The following RAD1 variants were observed in gnomAD, a reference collection of about 807,000 sequenced individuals.
RAD1 encodes RAD1 checkpoint DNA exonuclease, also known as cell cycle checkpoint protein RAD1.
Under a neutral mutation model 30.0 loss-of-function variants are expected in RAD1, and 21 were observed. The observed-to-expected ratio is 0.70, with a 90% CI of 0.50 to 1.01. The LOEUF (loss-of-function observed/expected upper bound fraction) is 1.01. RAD1 is among the 50% of genes least tolerant of loss of function. RAD1 has a pLI of 0.00. For missense variants in RAD1, 329 were observed against 329.0 expected (o/e 1.00, Z 0.00); for synonymous variants, 109 against 113.6 (o/e 0.96, Z 0.26).
At chr5:34,909,396 A>G (rs1321499215) in intron 4 of RAD1, 40 bp from the exon 5 acceptor site, 1 of 1,382,868 alleles carries the variant, frequency 7.2e-7, no homozygotes, top group Non-Finnish European at 1.0e-6. Flanking sequence ...TTCATCCAAA[A>G]ATAAACCACA....
Position 34,915,042 on chromosome 5 carries a change from G to C in RAD1, c.-69-81C>G, listed in dbSNP as rs529159551. The C allele has an allele frequency of 2.1e-4, 158 of 749,582 alleles. No individual in the cohort carries two copies. In the African/African-American group the frequency reaches 2.6e-3, roughly 12 times the overall value. The allele number at this position is 749,582 out of a possible 1,614,324, so 46.4% of individuals were successfully genotyped here. On this transcript the variant is annotated intron_variant, in intron 1 of 5. Coordinates refer to ENST00000382038, the MANE Select transcript of RAD1 (RefSeq NM_002853.4). ...CACCTGCGCTGAGAGGTGGAAAGGG[G>C]CTGGGAGGCTGAACACGGCTGACCA...
At chr5:34,915,014 C>T in intron 1 of RAD1, 53 bp from the exon 2 acceptor site, 4 of 1,068,054 alleles carry the variant, frequency 3.7e-6, no homozygotes, top group Non-Finnish European at 5.4e-6. Context: ...GTCCGGCGAG[C>T]TCCACCTGCG....
At position 34,911,591 on chromosome 5, in the gene RAD1, G is replaced by A; in HGVS notation, c.529C>T (p.Leu177=). 6.2e-7 allele frequency: 1 copy of A among 1,614,146 alleles called. No individual in the cohort carries two copies. ...FSELDMTSEV[L]QITMSPDKPY... Reference sequence around the variant, plus strand: ...TTGTCAGGAGACATGGTAATTTGTAGGACTTCACTCGTCATATCCAATTCA... The same window carrying A: ...TTGTCAGGAGACATGGTAATTTGTAAGACTTCACTCGTCATATCCAATTCA... The change falls in exon 4 of 6, where the codon CTA becomes TTA. Residue 177 remains leucine, a synonymous_variant. Transcript: ENST00000382038.
At chr5:34,909,940 T>G (rs1763778330) in intron 4 of RAD1, among the ~76,000 whole-genome samples, 1 of 152,162 alleles carries the variant, frequency 6.6e-6, no homozygotes, top group Non-Finnish European at 1.5e-5. Flanking sequence ...TCCAGGTTGG[T>G]TTTCCCTAAG....
At chr5:34,910,198 C>T (rs1763787778) in intron 4 of RAD1, among the ~76,000 whole-genome samples, 2 of 152,144 alleles carry the variant, frequency 1.3e-5, no homozygotes, top group South Asian at 4.1e-4. Context: ...CTCCCTACCA[C>T]CAAATTGTTT....
chr5:34,908,897 A>G lies in RAD1; in HGVS notation c.717T>C (p.Cys239=), dbSNP rs773193524. 5.6e-6 allele frequency: 9 copies of G among 1,612,054 alleles called. No individual in the cohort carries two copies. In the South Asian group the frequency reaches 9.9e-5, roughly 18 times the overall value. The change falls in exon 6 of 6, where the codon TGT becomes TGC. Residue 239 remains cysteine (C), a synonymous_variant. Coordinates refer to ENST00000382038, the MANE Select transcript of RAD1 (RefSeq NM_002853.4). ...KPSTKALVLS[C]KVSIRTDNRG... Reference sequence around the variant, plus strand: ...TGTTATCTGTCCGAATAGATACCTTACAAGATAGGACTAATGCCTTTGTAG... The same window carrying G: ...TGTTATCTGTCCGAATAGATACCTTGCAAGATAGGACTAATGCCTTTGTAG...
At position 34,906,332 on chromosome 5, in the gene RAD1, G is replaced by A. The variant is rs1763653475; in HGVS notation, c.*2433C>T. ...TTATATTTGTTTTAAATTCTTTTTA[G>A]ATTCAACTTTTAAAAAATACATTAG... On this transcript the variant is annotated 3_prime_UTR_variant, in exon 6 of 6. Coordinates refer to ENST00000382038, the MANE Select transcript of RAD1 (RefSeq NM_002853.4). 1 of 151,990 alleles carries A rather than the reference G, an allele frequency of 6.6e-6. No homozygotes were observed. 9.4% of individuals were successfully genotyped at this position (151,990 alleles called of 1,614,324 possible).
chr5:34,909,382 T>C (rs1165111162), intron 4 of RAD1, 26 bp from the exon 5 acceptor site: 2 of 1,465,260 alleles, frequency 1.4e-6, no homozygotes, highest in South Asian at 1.2e-5. Context: ...ACCTCATTTA[T>C]TCATTCATCC....
rs1763676857 is a variant in RAD1, at chr5:34,907,156, G to A, written c.*1609C>T. 6.6e-6 allele frequency: 1 copy of A among 152,138 alleles called. No homozygotes were observed. Among genetic ancestry groups the A allele is most frequent in the Non-Finnish European group, 1.5e-5 (1 of 68,046 alleles). The allele number at this position is 152,138 out of a possible 1,614,324, so 9.4% of individuals were successfully genotyped here. Reference sequence around the variant, plus strand: ...TAGCCTCCTTGCAGCACACTTTGCTGTAATACTCTCCAAACCAATTTTCTC... The same window carrying A: ...TAGCCTCCTTGCAGCACACTTTGCTATAATACTCTCCAAACCAATTTTCTC... On this transcript the variant is annotated 3_prime_UTR_variant, in exon 6 of 6. Coordinates refer to ENST00000382038, the MANE Select transcript of RAD1 (RefSeq NM_002853.4).
Position 34,911,648 on chromosome 5 carries a change from G to A in RAD1, c.472C>T (p.Leu158=). 1 of 1,614,140 alleles carries A rather than the reference G, an allele frequency of 6.2e-7. No individual in the cohort carries two copies. The highest frequency in any genetic ancestry group is 8.5e-7 in the Non-Finnish European group (1 of 1,180,028). Residue 158 remains leucine (L), a synonymous_variant, in exon 4 of 6, where the codon CTG becomes TTG. Transcript: ENST00000382038. The part of the protein sequence containing the change: ...CSTNVINKII[L]QSEGLREAFS... The stretch of plus-strand genomic sequence containing the variant: ...GCTTCACGGAGCCCCTCTGACTGCA[G>A]AATAATTTTATTAATAACATTGGTG...
At chr5:34,909,200 A>AT (rs1196128629) in intron 5 of RAD1, 58 bp downstream of exon 5, 3 of 1,296,164 alleles carry the variant, frequency 2.3e-6, no homozygotes, top group Non-Finnish European at 3.3e-6. Flanking sequence ...ATTTAACAGA[A>AT]ATCTGGTATT....
rs1763850755 is a variant in RAD1 at position 34,911,709 on chromosome 5, C to T, written c.411G>A (p.Gln137=). The T allele has an allele frequency of 3.7e-6, 6 of 1,614,114 alleles. No homozygotes were observed. The highest frequency in any genetic ancestry group is 2.2e-5 in the East Asian group (1 of 44,872). ...GVVTVCKINT[Q]EPEETLDFDF... ...CAAAGTCCAGGGTCTCCTCAGGTTC[C>T]TGTGTATTGATTTTGCAGACTGTCA... Residue 137 remains glutamine, a synonymous_variant, in exon 4 of 6, where the codon CAG becomes CAA. Coordinates refer to ENST00000382038, the MANE Select transcript of RAD1 (RefSeq NM_002853.4).
At position 34,907,634 on chromosome 5, in the gene RAD1, A is replaced by T. The variant is rs1763695084; in HGVS notation, c.*1131T>A. On this transcript the variant is annotated 3_prime_UTR_variant, in exon 6 of 6. Coordinates refer to ENST00000382038, the MANE Select transcript of RAD1 (RefSeq NM_002853.4). Reference sequence around the variant, plus strand: ...TACACCTTGATTTGTCAAGAAACTCATAAGCAAATGGAAAGTAGTAAGTAC... The same window carrying T: ...TACACCTTGATTTGTCAAGAAACTCTTAAGCAAATGGAAAGTAGTAAGTAC... 6.6e-6 allele frequency: 1 copy of T among 152,260 alleles called. No individual in the cohort carries two copies. The highest frequency in any genetic ancestry group is 1.5e-5 in the Non-Finnish European group (1 of 68,044). The allele number at this position is 152,260 out of a possible 1,614,324, so 9.4% of individuals were successfully genotyped here. A position where few individuals can be genotyped will look rare whatever the true frequency, so the allele number is the denominator to read the frequency against.
chr5:34,910,775 T>C (rs1210776775), intron 4 of RAD1, among the ~76,000 whole-genome samples: 1 of 152,226 alleles, frequency 6.6e-6, no homozygotes, highest in Non-Finnish European at 1.5e-5. Context: ...GAATACCTTA[T>C]TCCTTTTATT....
chr5:34,911,120 C>T (rs552784533), intron 4 of RAD1, among the ~76,000 whole-genome samples: 3 of 152,168 alleles, frequency 2.0e-5, no homozygotes, highest in Non-Finnish European at 2.9e-5. Flanking sequence ...AATAAGCACA[C>T]GGTAGGTGAT....
chr5:34,910,303 T>C (rs150309776), intron 4 of RAD1, among the ~76,000 whole-genome samples: 252 of 152,306 alleles, frequency 1.7e-3, no homozygotes, highest in African/African-American at 5.7e-3. Context: ...TTTAAGTACC[T>C]GAATTTTTTA....
At chr5:34,912,226 C>T (rs1348028084) in intron 3 of RAD1, among the ~76,000 whole-genome samples, 2 of 152,214 alleles carry the variant, frequency 1.3e-5, no homozygotes, top group East Asian at 1.9e-4. Flanking sequence ...TGTACTGTAA[C>T]GTCAGTGTAC....
intron 4 of RAD1, 69 bp from the exon 5 acceptor site, chr5:34,909,425 A>C: frequency 4.6e-6 from 5 of 1,092,926 alleles, no homozygotes; most frequent in Non-Finnish European, 6.8e-6. Flanking sequence ...CAAATAAAGA[A>C]AACACTTCCT....
chr5:34,908,946 TA>T lies in RAD1; in HGVS notation c.667del (p.Tyr223ThrfsTer6). 1 of 1,602,752 alleles carries T rather than the reference TA, an allele frequency of 6.2e-7. No individual in the cohort carries two copies. Among genetic ancestry groups the T allele is most frequent in the Non-Finnish European group, 8.5e-7 (1 of 1,176,366 alleles). On this transcript the variant is annotated frameshift_variant and splice_region_variant, in exon 6 of 6. Transcript: ENST00000382038. LOFTEE classifies it high-confidence loss of function. ...FHCNQTQVNRYKISLLKPSTK... is the reference protein window; with the variant it reads ...FHCNQTQVNRXKISLLKPSTK... ...AGAGGGTTTCAGTAAGGAAATCTTG[TA>T]TCTGTAGAAGAAAAAATAAAACGCT...
Sources: gnomAD v4.1 joint callset for allele counts (sites outside exome capture counted in the v4.1 genomes callset) on GRCh38, gnomAD v4.1.1 for gene constraint, MANE v1.5 for transcripts, NCBI Gene and HGNC (gene_info 2026-07-23, HGNC 2026-07-21) for gene names.